The following NXNL2 variants were observed in gnomAD, a reference collection of about 807,000 sequenced individuals.
NXNL2 encodes the protein nucleoredoxin like 2.
A neutral mutation model predicts 11.1 loss-of-function variants in NXNL2; 7 were observed. That is an observed-to-expected ratio of 0.63 (90% CI 0.36 to 1.18). The LOEUF is 1.18. NXNL2 is among the 50% of genes most tolerant of loss of function. The pLI is 0.02. For missense variants in NXNL2, 233 were observed against 217.7 expected, an observed-to-expected ratio of 1.07 and a Z score of -0.44; for synonymous variants, 109 against 101.8, an observed-to-expected ratio of 1.07 and a Z score of -0.42.
At chr9:88,581,684 G>A (rs1284814851) in intron 1 of NXNL2, among the ~76,000 whole-genome samples, 2 of 152,122 alleles carry the variant, frequency 1.3e-5, no homozygotes, top group Non-Finnish European at 2.9e-5. Context: ...TCAAACACCC[G>A]ACCTCAGGTG....
At chr9:88,545,774 CTT>C (rs1205089856), downstream of NXNL2, among the ~76,000 whole-genome samples, 1 of 151,000 alleles carries the variant, frequency 6.6e-6, no homozygotes, top group Non-Finnish European at 1.5e-5. Flanking sequence ...TTTTTCTTTT[CTT>C]TTTTTTTGAG....
chr9:88,576,285 C>A (rs182257333), downstream of NXNL2, among the ~76,000 whole-genome samples: 5 of 152,314 alleles, frequency 3.3e-5, no homozygotes, highest in Admixed American at 2.6e-4. Flanking sequence ...ACATGTGAAC[C>A]CACAGCGATG....
At position 88,544,516 on chromosome 9, in the gene NXNL2, C is replaced by T. The variant is rs533646670; in HGVS notation, c.440C>T (p.Ala147Val). The T allele has an allele frequency of 3.6e-5, 56 of 1,545,686 alleles. No homozygotes were observed. Among genetic ancestry groups the T allele is most frequent in the East Asian group, 2.9e-4 (12 of 40,730 alleles). ...GCCTGCTTCCAGGACTGGGTGGAGGCGGCCGATATCTTCCAGAATTTCTCC... is the reference window on the plus strand; with the variant it reads ...GCCTGCTTCCAGGACTGGGTGGAGGTGGCCGATATCTTCCAGAATTTCTCC... ...GLACFQDWVEAADIFQNFSV is the reference protein window; with the variant it reads ...GLACFQDWVEVADIFQNFSV The change falls in exon 2 of 2, where the codon GCG becomes GTG. Residue 147 changes from alanine (A) to valine (V), a missense_variant. Coordinates refer to ENST00000375854, the MANE Select transcript of NXNL2 (RefSeq NM_001161625.2).
intron 1 of NXNL2, among the ~76,000 whole-genome samples, chr9:88,568,857 A>T (rs896998050): frequency 1.3e-5 from 2 of 152,202 alleles, no homozygotes; most frequent in African/African-American, 4.8e-5. Flanking sequence ...CCACTTGGTT[A>T]CATTATGGAG....
intron 1 of NXNL2, among the ~76,000 whole-genome samples, chr9:88,538,728 C>A (rs80183422): frequency 5.8e-4 from 89 of 152,310 alleles, no homozygotes; most frequent in Non-Finnish European, 1.1e-3. Flanking sequence ...GAGCAGTTGG[C>A]CCAGGTGGAA....
chr9:88,555,499 GCTGT>G (rs1257331680), intron 1 of NXNL2, among the ~76,000 whole-genome samples: 1 of 152,198 alleles, frequency 6.6e-6, no homozygotes, highest in Non-Finnish European at 1.5e-5. Context: ...TGCCTTTGTA[GCTGT>G]CTGTGTTCTA....
intron 1 of NXNL2, among the ~76,000 whole-genome samples, chr9:88,562,603 A>G (rs534269017): frequency 1.3e-5 from 2 of 152,074 alleles, no homozygotes; most frequent in South Asian, 2.1e-4. Context: ...AAATACAAAA[A>G]TTAGCCAGGC....
intron 1 of NXNL2, among the ~76,000 whole-genome samples, chr9:88,540,129 G>A (rs77044689): frequency 0.12 from 18,704 of 151,758 alleles, 2,631 homozygotes; most frequent in East Asian, 0.76. Flanking sequence ...TCAGGAGATC[G>A]AAACCATCCT....
intron 1 of NXNL2, 71 bp from the exon 2 acceptor site, chr9:88,544,308 A>G (rs1829816508): frequency 4.3e-6 from 6 of 1,385,172 alleles, no homozygotes; most frequent in Non-Finnish European, 4.0e-6. Flanking sequence ...CTCAGGCTGG[A>G]GGGAGGGGGC....
chr9:88,582,755 A>G (rs543445382), intron 1 of NXNL2, among the ~76,000 whole-genome samples: 9 of 149,528 alleles, frequency 6.0e-5, no homozygotes, highest in African/African-American at 2.2e-4. Flanking sequence ...TGCAACCTCC[A>G]CCTCCTGGGT....
At chr9:88,550,555 GT>G (rs1008008662) in intron 1 of NXNL2, among the ~76,000 whole-genome samples, 1 of 152,188 alleles carries the variant, frequency 6.6e-6, no homozygotes, top group African/African-American at 2.4e-5. Context: ...GCCTAAAAAG[GT>G]GGGACATCTT....
intron 1 of NXNL2, among the ~76,000 whole-genome samples, chr9:88,581,095 T>A (rs1830403917): frequency 6.6e-6 from 1 of 152,226 alleles, no homozygotes. Context: ...AGCTTTCTCC[T>A]CGGGGCAGTT....
At chr9:88,550,681 T>C (rs991113715) in intron 1 of NXNL2, among the ~76,000 whole-genome samples, 61 of 152,266 alleles carry the variant, frequency 4.0e-4, no homozygotes, top group Admixed American at 3.9e-3. Flanking sequence ...CTCTGGCCTG[T>C]GGGTGTGACT....
At chr9:88,582,281 A>G (rs1023811808) in intron 1 of NXNL2, among the ~76,000 whole-genome samples, 3 of 152,146 alleles carry the variant, frequency 2.0e-5, no homozygotes, top group African/African-American at 7.2e-5. Context: ...CATCCTGGCT[A>G]ACACGGTGAA....
At chr9:88,567,057 ACTT>A (rs1830185946) in intron 1 of NXNL2, among the ~76,000 whole-genome samples, 1 of 148,476 alleles carries the variant, frequency 6.7e-6, no homozygotes, top group Non-Finnish European at 1.5e-5. Context: ...ACAGACTGTG[ACTT>A]CTTTGAGAGC....
intron 2 of NXNL2, among the ~76,000 whole-genome samples, chr9:88,574,135 C>A (rs1292288728): frequency 1.3e-5 from 2 of 152,128 alleles, no homozygotes; most frequent in African/African-American, 4.8e-5. Context: ...CCCAAGAGAA[C>A]TGAAAACATA....
chr9:88,549,401 T>C (rs1412646038), downstream of NXNL2, among the ~76,000 whole-genome samples: 1 of 152,222 alleles, frequency 6.6e-6, no homozygotes, highest in Non-Finnish European at 1.5e-5. Context: ...GAATACATCC[T>C]CTAATAGTTT....
intron 2 of NXNL2, among the ~76,000 whole-genome samples, chr9:88,574,438 T>C (rs532192672): frequency 6.6e-6 from 1 of 152,302 alleles, no homozygotes; most frequent in South Asian, 2.1e-4. Flanking sequence ...TCAATCAATA[T>C]ATGTAAGATG....
intron 1 of NXNL2, among the ~76,000 whole-genome samples, chr9:88,553,917 G>A (rs1290825773): frequency 3.3e-5 from 5 of 152,114 alleles, no homozygotes; most frequent in African/African-American, 1.2e-4. Context: ...CCTTATGTAT[G>A]TGTTGTCATG....
Sources: allele counts gnomAD v4.1 joint callset (sites outside exome capture counted in the v4.1 genomes callset), GRCh38; gene constraint gnomAD v4.1.1; transcripts MANE v1.5; gene names NCBI Gene and HGNC (gene_info 2026-07-23, HGNC 2026-07-21).